AMDHD1: variants seen among roughly 807,000 people sequenced by gnomAD.
AMDHD1 encodes the protein probable imidazolonepropionase.
In AMDHD1, 45 loss-of-function variants were observed where a neutral mutation model predicts 44.1. That is an observed-to-expected ratio of 1.02 (90% CI 0.80 to 1.31). The LOEUF is 1.31. Among genes scored for constraint, AMDHD1 ranks in the 50% most tolerant of loss-of-function variants. The pLI, the probability that AMDHD1 is intolerant of heterozygous loss-of-function variation, is 0.00. For synonymous variants in AMDHD1, 206 were observed against 205.0 expected, an observed-to-expected ratio of 1.00 and a Z score of -0.04; for missense variants, 586 against 552.1, an observed-to-expected ratio of 1.06 and a Z score of -0.61.
At chr12:95,951,599 A>C (rs1280224979) in intron 1 of AMDHD1, among the ~76,000 whole-genome samples, 1 of 152,202 alleles carries the variant, frequency 6.6e-6, no homozygotes, top group Non-Finnish European at 1.5e-5. Context: ...TTTTGCATAT[A>C]GATCTACCAG....
intron 2 of AMDHD1, 89 bp from the exon 3 acceptor site, chr12:95,954,822 A>G (rs2080542207): frequency 4.9e-6 from 6 of 1,217,614 alleles, no homozygotes; most frequent in African/African-American, 1.5e-5. Flanking sequence ...CACTTTCCCC[A>G]GAGCAGCAGG....
Position 95,956,543 on chromosome 12 carries a change from A to G in AMDHD1, c.310-142A>G, listed in dbSNP as rs756466605. The G allele has an allele frequency of 3.2e-4, 367 of 1,161,552 alleles. 1 individual carries two copies. Among genetic ancestry groups the G allele is most frequent in the Admixed American group, 1.2e-4 (5 of 40,636 alleles). The allele number at this position is 1,161,552 out of a possible 1,614,324, so 72.0% of individuals were successfully genotyped here. On this transcript the variant is annotated intron_variant, in intron 3 of 8. Transcript: ENST00000266736. The stretch of plus-strand genomic sequence containing the variant: ...AGGGGCTTCCAGGACTGTGTATCCC[A>G]GCACCTTTCTAATCTGATGGGTTGG...
Position 95,943,550 on chromosome 12 carries a change from G to A in AMDHD1, c.137+15G>A, listed in dbSNP as rs908317200. 2.4e-5 allele frequency: 35 copies of A among 1,437,300 alleles called. No homozygotes were observed. The highest frequency in any genetic ancestry group is 3.0e-5 in the Non-Finnish European group (33 of 1,097,712). The allele number at this position is 1,437,300 out of a possible 1,614,324, so 89.0% of individuals were successfully genotyped here. A position where few individuals can be genotyped will look rare whatever the true frequency, so the allele number is the denominator to read the frequency against. ...GTGGTGGGCAAGTAAGTGGCCGGGCGCGCAGGGTGGGGACCGCCACGGGCG... is the reference window on the plus strand; with the variant it reads ...GTGGTGGGCAAGTAAGTGGCCGGGCACGCAGGGTGGGGACCGCCACGGGCG... On this transcript the variant is annotated intron_variant, in intron 1 of 8. Transcript: ENST00000266736.
At chr12:95,964,032 TAAAAA>T (rs35799594) in intron 6 of AMDHD1, among the ~76,000 whole-genome samples, 1 of 119,384 alleles carries the variant, frequency 8.4e-6, no homozygotes, top group Non-Finnish European at 1.7e-5. Context: ...GATTCCATCT[TAAAAA>T]AAAAAAAAAA....
At chr12:95,943,631 G>A (rs949702949) in intron 1 of AMDHD1, 96 bp downstream of exon 1, 4 of 1,359,828 alleles carry the variant, frequency 2.9e-6, no homozygotes, top group Middle Eastern at 1.9e-4. Flanking sequence ...CGCCGTGAAA[G>A]CGTCCCTGCA....
rs1458117609 is a variant in AMDHD1, at chr12:95,949,144, AAAAAAAAAAAAAAAAG to A, written c.138-3557_138-3542del. Among the ~76,000 whole-genome samples the A allele has an allele frequency of 6.2e-5, 9 of 144,540 alleles. 1 individual carries two copies. Among genetic ancestry groups the A allele is most frequent in the South Asian group, 2.4e-4 (1 of 4,244 alleles). 94.8% of individuals were successfully genotyped at this position (144,540 alleles called of 152,430 possible). On this transcript the variant is annotated intron_variant, in intron 1 of 8. Transcript: ENST00000266736. ...ATTATCAATAAAAAAATAAATTAAA[AAAAAAAAAAAAAAAAG>A]AAAAAAAAAAAAAAAAAAGAGACTG...
chr12:95,961,793 A>G (rs1050307116), intron 5 of AMDHD1, among the ~76,000 whole-genome samples: 2 of 152,244 alleles, frequency 1.3e-5, no homozygotes, highest in African/African-American at 4.8e-5. Flanking sequence ...TAAGATTCAT[A>G]AAGTTTTCTG....
intron 3 of AMDHD1, among the ~76,000 whole-genome samples, chr12:95,955,655 T>G (rs924118825): frequency 6.6e-6 from 1 of 152,132 alleles, no homozygotes; most frequent in African/African-American, 2.4e-5. Context: ...GAGAAAGAGA[T>G]TTACAGTCCA....
At chr12:95,959,548 A>G (rs1017631499) in intron 4 of AMDHD1, among the ~76,000 whole-genome samples, 5 of 152,016 alleles carry the variant, frequency 3.3e-5, no homozygotes, top group Non-Finnish European at 7.4e-5. Context: ...TGCTGGGATT[A>G]TAGGCATGAG....
intron 1 of AMDHD1, among the ~76,000 whole-genome samples, chr12:95,945,604 C>T (rs1279254622): frequency 2.0e-5 from 3 of 152,112 alleles, no homozygotes; most frequent in Non-Finnish European, 2.9e-5. Flanking sequence ...ACATCACTTC[C>T]CTTATGCAGA....
At chr12:95,955,370 G>A (rs781498558) in intron 3 of AMDHD1, among the ~76,000 whole-genome samples, 18 of 151,970 alleles carry the variant, frequency 1.2e-4, no homozygotes, top group Non-Finnish European at 2.4e-4. Context: ...GACTTATTAA[G>A]AATCACAAAA....
At chr12:95,946,061 C>CTCTCTCTGTG (rs1403742643) in intron 1 of AMDHD1, among the ~76,000 whole-genome samples, 2 of 122,484 alleles carry the variant, frequency 1.6e-5, no homozygotes, top group African/African-American at 5.3e-5. Context: ...CTCTTTCTCT[C>CTCTCTCTGTG]TGTGTGTGTG....
At position 95,960,586 on chromosome 12, in the gene AMDHD1, TC is replaced by T. The variant is rs2080576202; in HGVS notation, c.778del (p.His260MetfsTer8). On this transcript the variant is annotated frameshift_variant, in exon 5 of 9. Coordinates refer to ENST00000266736, the MANE Select transcript of AMDHD1 (RefSeq NM_152435.3). LOFTEE classifies it high-confidence loss of function. ...AAAGATATAGGGTTACAGATTAACT[TC>T]CATGGGGATGAACTCCACCCGATGA... ...RGKDIGLQINFHGDELHPMKA... is the reference protein window; with the variant it reads ...RGKDIGLQINXHGDELHPMKA... The T allele has an allele frequency of 6.2e-7, 1 of 1,614,112 alleles. No homozygotes were observed. The highest frequency in any genetic ancestry group is 1.1e-5 in the South Asian group (1 of 91,090).
intron 2 of AMDHD1, 81 bp from the exon 3 acceptor site, chr12:95,954,830 A>G: frequency 3.1e-6 from 4 of 1,289,694 alleles, no homozygotes; most frequent in Non-Finnish European, 4.5e-6. Context: ...CCAGAGCAGC[A>G]GGGTATAGTG....
rs2080530800 is a variant in AMDHD1, at chr12:95,952,771, T to C, written c.192T>C (p.Ser64=). 1 of 1,613,074 alleles carries C rather than the reference T, an allele frequency of 6.2e-7. No homozygotes were observed. The highest frequency in any genetic ancestry group is 1.1e-5 in the South Asian group (1 of 91,050). ...CTGATGTTATTCAAAGACAGTTTTC[T>C]GGAGAAACTTTTGAAGAAATAATTG... is the stretch of plus-strand genomic sequence containing the variant. The part of the protein sequence containing the change: ...GPADVIQRQF[S]GETFEEIIDC... Residue 64 remains serine (S), a synonymous_variant, in exon 2 of 9, where the codon TCT becomes TCC. Coordinates refer to ENST00000266736, the MANE Select transcript of AMDHD1 (RefSeq NM_152435.3).
intron 1 of AMDHD1, among the ~76,000 whole-genome samples, chr12:95,946,129 G>C (rs992799179): frequency 2.0e-5 from 3 of 151,226 alleles, no homozygotes; most frequent in Non-Finnish European, 4.4e-5. Context: ...CCCAGGTGTG[G>C]AAAAGAAGCA....
intron 4 of AMDHD1, among the ~76,000 whole-genome samples, chr12:95,957,978 G>A (rs1357766487): frequency 6.6e-6 from 1 of 152,124 alleles, no homozygotes; most frequent in Non-Finnish European, 1.5e-5. Context: ...GCTTAAGCCC[G>A]GGAGGCGGAG....
rs577060800 is a variant in AMDHD1, at chr12:95,958,379, A to C, written c.587+1417A>C. ...AAATTTATTATTCAAAATTAACAAA[A>C]CTAGTTGTGTAGAAAAGACATAAAT... On this transcript the variant is annotated intron_variant, in intron 4 of 8. Coordinates refer to ENST00000266736, the MANE Select transcript of AMDHD1 (RefSeq NM_152435.3). Among the ~76,000 whole-genome samples the C allele has an allele frequency of 5.3e-5, 8 of 152,302 alleles. No homozygotes were observed. In the East Asian group the frequency reaches 1.2e-3, roughly 22 times the overall value.
intron 5 of AMDHD1, 24 bp from the exon 6 acceptor site, chr12:95,962,325 AATCTTT>A: frequency 6.3e-7 from 1 of 1,592,004 alleles, no homozygotes. Flanking sequence ...CTATTTGTTA[AATCTTT>A]CCCTCTCTGC....
Sources: allele counts gnomAD v4.1 joint callset (sites outside exome capture counted in the v4.1 genomes callset), GRCh38; gene constraint gnomAD v4.1.1; transcripts MANE v1.5; gene names NCBI Gene and HGNC (gene_info 2026-07-23, HGNC 2026-07-21).